GPC6: variants seen among roughly 807,000 people sequenced by gnomAD.
The protein encoded by GPC6 is glypican-6.
In GPC6, 14 loss-of-function variants were observed where a neutral mutation model predicts 55.2. The observed-to-expected ratio is 0.25, with a 90% CI of 0.17 to 0.40. The LOEUF is 0.40. Ranked by LOEUF, GPC6 falls within the 10% of genes least tolerant of loss-of-function variation. The pLI is 1.00. For synonymous variants in GPC6, 278 were observed against 259.6 expected, an observed-to-expected ratio of 1.07 and a Z score of -0.68; for missense variants, 641 against 708.5, an observed-to-expected ratio of 0.90 and a Z score of 1.08.
At chr13:93,228,493 C>T (rs950043596) in intron 1 of GPC6, among the ~76,000 whole-genome samples, 1 of 152,162 alleles carries the variant, frequency 6.6e-6, no homozygotes, top group Non-Finnish European at 1.5e-5. Context: ...GAGCGCCCAC[C>T]CTTTCTCTCG....
At chr13:93,664,274 T>C (rs2139617458) in intron 2 of GPC6, among the ~76,000 whole-genome samples, 1 of 152,316 alleles carries the variant, frequency 6.6e-6, no homozygotes, top group Middle Eastern at 3.4e-3. Context: ...GTAAACTGCA[T>C]TTTTAATTTT....
chr13:93,728,026 G>A (rs1883702941), intron 2 of GPC6, among the ~76,000 whole-genome samples: 1 of 151,952 alleles, frequency 6.6e-6, no homozygotes, highest in African/African-American at 2.4e-5. Context: ...CACCTTGCTG[G>A]GGTATTTTTG....
chr13:94,259,150 C>T (rs1891586600), intron 4 of GPC6, among the ~76,000 whole-genome samples: 1 of 151,770 alleles, frequency 6.6e-6, no homozygotes, highest in South Asian at 2.1e-4. Context: ...GCCCCCTTCT[C>T]ATTGGAAGCT....
At chr13:94,241,984 A>G (rs541882208) in intron 4 of GPC6, among the ~76,000 whole-genome samples, 384 of 151,922 alleles carry the variant, frequency 2.5e-3, no homozygotes, top group African/African-American at 9.0e-3. Flanking sequence ...TTTGTTACAT[A>G]TGTATACATG....
At chr13:94,003,888 A>G (rs2140427164) in intron 3 of GPC6, among the ~76,000 whole-genome samples, 1 of 152,340 alleles carries the variant, frequency 6.6e-6, no homozygotes, top group East Asian at 1.9e-4. Flanking sequence ...AAATCTGCAT[A>G]TCTGAGCTCT....
At chr13:93,804,589 C>T (rs924639778) in intron 2 of GPC6, among the ~76,000 whole-genome samples, 12 of 152,154 alleles carry the variant, frequency 7.9e-5, no homozygotes, top group Non-Finnish European at 1.8e-4. Context: ...GATTATATTT[C>T]ATAGTAAGTT....
chr13:94,214,038 T>C (rs1566551561), intron 4 of GPC6, among the ~76,000 whole-genome samples: 1 of 152,258 alleles, frequency 6.6e-6, no homozygotes, highest in Non-Finnish European at 1.5e-5. Context: ...ATATCTGTGA[T>C]TAGAAAAGCC....
chr13:93,879,650 A>G (rs1014256570), intron 3 of GPC6, among the ~76,000 whole-genome samples: 10 of 150,956 alleles, frequency 6.6e-5, no homozygotes, highest in African/African-American at 1.5e-4. Context: ...GGACATAGGC[A>G]TGGGCAAGGA....
At chr13:93,626,798 T>G (rs1879221327) in intron 2 of GPC6, among the ~76,000 whole-genome samples, 1 of 140,012 alleles carries the variant, frequency 7.1e-6, no homozygotes, top group African/African-American at 2.7e-5. Context: ...TGAGACTGCA[T>G]CTCAAAAAAA....
chr13:93,866,641 T>C (rs1174209041), intron 3 of GPC6, among the ~76,000 whole-genome samples: 1 of 151,766 alleles, frequency 6.6e-6, no homozygotes, highest in Non-Finnish European at 1.5e-5. Flanking sequence ...TAGTGCATGT[T>C]CTCACTTATA....
At chr13:94,129,907 C>T (rs539842868) in intron 4 of GPC6, among the ~76,000 whole-genome samples, 2 of 152,130 alleles carry the variant, frequency 1.3e-5, no homozygotes, top group South Asian at 4.2e-4. Context: ...GTATAATGAA[C>T]CAGGCAGGGT....
chr13:93,509,671 C>T (rs1199575557), intron 1 of GPC6, among the ~76,000 whole-genome samples: 6 of 152,178 alleles, frequency 3.9e-5, no homozygotes, highest in East Asian at 1.9e-4. Context: ...GAGCCCTCAC[C>T]GAGTTCCACA....
chr13:93,753,404 GT>G (rs1884666930), intron 2 of GPC6, among the ~76,000 whole-genome samples: 2 of 151,926 alleles, frequency 1.3e-5, no homozygotes, highest in Non-Finnish European at 2.9e-5. Context: ...AGTAGAATAT[GT>G]TTTTTATAAT....
chr13:94,242,716 G>C (rs1891090647), intron 4 of GPC6, among the ~76,000 whole-genome samples: 1 of 152,110 alleles, frequency 6.6e-6, no homozygotes, highest in African/African-American at 2.4e-5. Flanking sequence ...TCTGGAAGGA[G>C]TTAATTACAA....
intron 2 of GPC6, among the ~76,000 whole-genome samples, chr13:93,804,038 A>T (rs916644348): frequency 6.6e-6 from 1 of 152,180 alleles, no homozygotes; most frequent in African/African-American, 2.4e-5. Context: ...ATATATTAAA[A>T]ACATTGAATT....
At chr13:93,617,159 C>T (rs1051772875) in intron 2 of GPC6, among the ~76,000 whole-genome samples, 31 of 152,136 alleles carry the variant, frequency 2.0e-4, no homozygotes, top group African/African-American at 7.0e-4. Context: ...AGAAAAAATC[C>T]TGTTGAAGAT....
chr13:93,522,588 T>C (rs1881463158), intron 1 of GPC6, among the ~76,000 whole-genome samples: 1 of 151,800 alleles, frequency 6.6e-6, no homozygotes. Context: ...ATACTTATGC[T>C]CCGGTCATGC....
At chr13:93,268,070 T>G (rs1365757394) in intron 1 of GPC6, among the ~76,000 whole-genome samples, 1 of 152,240 alleles carries the variant, frequency 6.6e-6, no homozygotes, top group East Asian at 1.9e-4. Flanking sequence ...TGATTATATT[T>G]GCATAGTTTT....
chr13:93,490,219 A>G (rs1879912909), intron 1 of GPC6, among the ~76,000 whole-genome samples: 1 of 151,484 alleles, frequency 6.6e-6, no homozygotes, highest in Admixed American at 6.6e-5. Flanking sequence ...GCCTCTATTG[A>G]GATAATCATG....
Sources: gnomAD v4.1 joint callset for allele counts (sites outside exome capture counted in the v4.1 genomes callset) on GRCh38, gnomAD v4.1.1 for gene constraint, MANE v1.5 for transcripts, NCBI Gene and HGNC (gene_info 2026-07-23, HGNC 2026-07-21) for gene names.